FGGY: variants seen among roughly 807,000 people sequenced by gnomAD.
FGGY encodes FGGY carbohydrate kinase domain containing.
A neutral mutation model predicts 71.3 loss-of-function variants in FGGY; 72 were observed. The ratio of observed to expected loss-of-function variants is 1.01; its 90% CI spans 0.84 to 1.23. FGGY has a LOEUF of 1.23. FGGY is among the 50% of genes most tolerant of loss of function. The pLI is 0.00. For missense variants in FGGY, 668 were observed against 682.3 expected (o/e 0.98, Z 0.23); for synonymous variants, 251 against 250.3 (o/e 1.00, Z -0.02).
At chr1:59,612,623 C>A (rs955853678) in intron 9 of FGGY, among the ~76,000 whole-genome samples, 1 of 152,172 alleles carries the variant, frequency 6.6e-6, no homozygotes, top group Non-Finnish European at 1.5e-5. Context: ...GTCATAATGA[C>A]AGGATCAAAT....
At chr1:59,650,971 A>G (rs985718903) in intron 11 of FGGY, among the ~76,000 whole-genome samples, 4 of 151,422 alleles carry the variant, frequency 2.6e-5, no homozygotes, top group African/African-American at 9.8e-5. Flanking sequence ...CGTTGGTTTC[A>G]AAGAACATCT....
At chr1:59,341,741 C>A (rs759361381) in intron 3 of FGGY, among the ~76,000 whole-genome samples, 1 of 152,216 alleles carries the variant, frequency 6.6e-6, no homozygotes. Flanking sequence ...AGCTCTGCAG[C>A]AGCAAGCATT....
intron 5 of FGGY, among the ~76,000 whole-genome samples, chr1:59,426,840 T>C (rs1408157008): frequency 2.0e-5 from 3 of 148,330 alleles, no homozygotes; most frequent in Non-Finnish European, 4.5e-5. Context: ...CTAAGTTGCT[T>C]TGGATGAGAT....
intron 14 of FGGY, chr1:59,699,318 AG>A: frequency 1.0e-6 from 1 of 984,776 alleles, no homozygotes; most frequent in African/African-American, 1.7e-5. Flanking sequence ...AATTGTTTGT[AG>A]CTTCTGTATT....
At chr1:59,587,960 G>A (rs35835796) in intron 8 of FGGY, among the ~76,000 whole-genome samples, 1 of 152,126 alleles carries the variant, frequency 6.6e-6, no homozygotes, top group African/African-American at 2.4e-5. Flanking sequence ...TGACTTTGAC[G>A]AGTTGAGAGA....
At chr1:59,535,297 G>A (rs376773897) in intron 7 of FGGY, among the ~76,000 whole-genome samples, 30 of 152,034 alleles carry the variant, frequency 2.0e-4, no homozygotes, top group South Asian at 6.2e-4. Flanking sequence ...CTAAATATAT[G>A]TGCACCCAAT....
chr1:59,414,663 C>A (rs2153431600), intron 5 of FGGY, among the ~76,000 whole-genome samples: 1 of 151,986 alleles, frequency 6.6e-6, no homozygotes, highest in East Asian at 1.9e-4. Context: ...GCTTGGCTAT[C>A]TAAAGTGGGG....
chr1:59,478,299 C>T (rs907903111), intron 6 of FGGY, among the ~76,000 whole-genome samples: 1 of 152,222 alleles, frequency 6.6e-6, no homozygotes, highest in Non-Finnish European at 1.5e-5. Context: ...AGATATCCCT[C>T]ACCCCTTTGG....
rs116516311 is a variant in FGGY, at chr1:59,468,340, C to T, written c.670+11264C>T. Reference sequence around the variant, plus strand: ...TTTCATGAACACCTTCTACATAAGACGGGTCCCTGCAGAAGATACACCCTA... The same window carrying T: ...TTTCATGAACACCTTCTACATAAGATGGGTCCCTGCAGAAGATACACCCTA... On this transcript the variant is annotated intron_variant, in intron 6 of 15. Transcript: ENST00000303721. Among the ~76,000 whole-genome samples the T allele has an allele frequency of 8.2e-3, 1,249 of 152,234 alleles. 15 individuals are homozygous for T. The highest frequency in any genetic ancestry group is 0.028 in the African/African-American group (1,161 of 41,534).
intron 6 of FGGY, among the ~76,000 whole-genome samples, chr1:59,461,234 A>G (rs2092182247): frequency 6.6e-6 from 1 of 152,244 alleles, no homozygotes; most frequent in Admixed American, 6.5e-5. Context: ...AAATGACCTG[A>G]TGGAGCTGAA....
intron 10 of FGGY, among the ~76,000 whole-genome samples, chr1:59,635,540 A>G (rs1245330824): frequency 7.3e-6 from 1 of 137,764 alleles, no homozygotes; most frequent in Non-Finnish European, 1.6e-5. Context: ...ATTTATAGAC[A>G]TGCGTTTCCA....
At chr1:59,304,539 A>G (rs575226189) in intron 1 of FGGY, among the ~76,000 whole-genome samples, 8 of 151,008 alleles carry the variant, frequency 5.3e-5, no homozygotes, top group Admixed American at 4.6e-4. Flanking sequence ...AGATTGCTTT[A>G]GCTATTTGGA....
intron 4 of FGGY, among the ~76,000 whole-genome samples, chr1:59,368,741 G>A (rs1156993408): frequency 6.6e-6 from 1 of 152,222 alleles, no homozygotes; most frequent in Non-Finnish European, 1.5e-5. Flanking sequence ...GTAATGTGCT[G>A]TTGGCCAATA....
At chr1:59,711,086 A>G (rs2097790319) in intron 14 of FGGY, among the ~76,000 whole-genome samples, 1 of 152,234 alleles carries the variant, frequency 6.6e-6, no homozygotes, top group Non-Finnish European at 1.5e-5. Flanking sequence ...TGTGGCACAT[A>G]TACACAATGG....
chr1:59,400,287 C>G (rs1241545796), intron 5 of FGGY, among the ~76,000 whole-genome samples: 2 of 152,162 alleles, frequency 1.3e-5, no homozygotes, highest in Non-Finnish European at 1.5e-5. Context: ...ATTTATTCAC[C>G]CATTCACTCA....
intron 14 of FGGY, among the ~76,000 whole-genome samples, chr1:59,689,077 A>C (rs72666281): frequency 0.2 from 30,443 of 151,948 alleles, 3,304 homozygotes; most frequent in Admixed American, 0.31. Context: ...GGTTGGGGAG[A>C]AAGGCCAGGT....
intron 14 of FGGY, among the ~76,000 whole-genome samples, chr1:59,713,057 T>C (rs1351108908): frequency 1.3e-5 from 2 of 152,202 alleles, no homozygotes; most frequent in Non-Finnish European, 1.5e-5. Flanking sequence ...GAATTTCTTA[T>C]GCCAGATACC....
chr1:59,728,306 T>G (rs933075432), intron 14 of FGGY, among the ~76,000 whole-genome samples: 3 of 152,110 alleles, frequency 2.0e-5, no homozygotes, highest in Admixed American at 1.3e-4. Context: ...AGGTACCTTA[T>G]AAGGAAGTAC....
intron 14 of FGGY, among the ~76,000 whole-genome samples, chr1:59,741,013 A>T (rs548322302): frequency 6.6e-6 from 1 of 151,950 alleles, no homozygotes; most frequent in African/African-American, 2.4e-5. Flanking sequence ...AAATAAAAAC[A>T]TATTAAAATT....
Sources: allele counts gnomAD v4.1 joint callset (sites outside exome capture counted in the v4.1 genomes callset), GRCh38; gene constraint gnomAD v4.1.1; transcripts MANE v1.5; gene names NCBI Gene and HGNC (gene_info 2026-07-23, HGNC 2026-07-21).